Variants in FKTN observed in about 807,000 individuals in gnomAD.
FKTN encodes the protein ribitol-5-phosphate transferase FKTN.
FKTN carries 47 observed loss-of-function variants against 58.6 expected under a neutral mutation model. That is an observed-to-expected ratio of 0.80 (90% CI 0.63 to 1.02). The LOEUF is 1.02. Ranked by LOEUF, FKTN falls within the 50% of genes least tolerant of loss-of-function variation. The pLI is 0.00. For synonymous variants in FKTN, 178 were observed against 191.9 expected, an observed-to-expected ratio of 0.93 and a Z score of 0.60; for missense variants, 516 against 537.3, an observed-to-expected ratio of 0.96 and a Z score of 0.39.
intron 1 of FKTN, among the ~76,000 whole-genome samples, chr9:105,560,865 G>A (rs191845793): frequency 6.6e-6 from 1 of 152,106 alleles, no homozygotes; most frequent in Admixed American, 6.6e-5. Context: ...AAGGTGGATG[G>A]ATCACGAGGT....
At chr9:105,581,345 G>A (rs1032973213) in intron 3 of FKTN, among the ~76,000 whole-genome samples, 10 of 148,100 alleles carry the variant, frequency 6.8e-5, no homozygotes, top group African/African-American at 1.3e-4. Flanking sequence ...ATGGGTTTTC[G>A]GTGTGGATGT....
chr9:105,583,230 A>G (rs2132274278), intron 3 of FKTN, among the ~76,000 whole-genome samples: 1 of 152,352 alleles, frequency 6.6e-6, no homozygotes, highest in Non-Finnish European at 1.5e-5. Flanking sequence ...TATGCGAAGC[A>G]CTTTACCAAC....
chr9:105,617,536 C>G (rs1831038005), intron 8 of FKTN, among the ~76,000 whole-genome samples: 1 of 152,172 alleles, frequency 6.6e-6, no homozygotes, highest in African/African-American at 2.4e-5. Context: ...ATTAAACATT[C>G]TTATCAGCAA....
chr9:105,570,477 A>G (rs1236616313), intron 1 of FKTN, among the ~76,000 whole-genome samples: 1 of 152,196 alleles, frequency 6.6e-6, no homozygotes, highest in Non-Finnish European at 1.5e-5. Context: ...AGAGTCCATC[A>G]TAAACTAGAA....
At chr9:105,626,559 A>G (rs758002078) in intron 10 of FKTN, among the ~76,000 whole-genome samples, 1 of 152,220 alleles carries the variant, frequency 6.6e-6, no homozygotes, top group East Asian at 1.9e-4. Context: ...TTGAGGAGAC[A>G]TAAACATTCA....
At chr9:105,570,508 G>T (rs1840556457) in intron 1 of FKTN, among the ~76,000 whole-genome samples, 1 of 152,094 alleles carries the variant, frequency 6.6e-6, no homozygotes. Context: ...TAATTGATGT[G>T]GGGGTGGTAA....
intron 10 of FKTN, among the ~76,000 whole-genome samples, chr9:105,633,880 T>A (rs1237450112): frequency 2.0e-5 from 3 of 152,190 alleles, no homozygotes; most frequent in Non-Finnish European, 2.9e-5. Context: ...AAATCTGGCT[T>A]TTCCCTGTTC....
chr9:105,633,907 A>G (rs1402922095), intron 10 of FKTN, among the ~76,000 whole-genome samples: 1 of 152,138 alleles, frequency 6.6e-6, no homozygotes, highest in African/African-American at 2.4e-5. Flanking sequence ...TAATCCTCTG[A>G]TATTTTAAAT....
chr9:105,564,244 T>G lies in FKTN; in HGVS notation c.-181+6079T>G, dbSNP rs1312592279. On this transcript the variant is annotated intron_variant, in intron 1 of 10. Transcript: ENST00000357998. ...AAAATTCTAAAAATCAGAGCACCTC[T>G]CCTCCTCCAAAGGAACGCAGCTCCT... 1.3e-5 allele frequency among the ~76,000 whole-genome samples: 2 copies of G among 152,080 alleles called. 1 individual carries two copies. Among genetic ancestry groups the G allele is most frequent in the Admixed American group, 1.3e-4 (2 of 15,258 alleles).
intron 4 of FKTN, among the ~76,000 whole-genome samples, chr9:105,599,717 T>C (rs1827518602): frequency 6.6e-6 from 1 of 152,138 alleles, no homozygotes; most frequent in Admixed American, 6.5e-5. Context: ...TTGGCCAGGC[T>C]GGTCCTGAAC....
chr9:105,604,146 T>G (rs889496099), intron 5 of FKTN, 69 bp from the exon 6 acceptor site: 41 of 1,476,702 alleles, frequency 2.8e-5, no homozygotes, highest in Non-Finnish European at 3.8e-5. Flanking sequence ...GTTTTGCTAC[T>G]AGTATTTGGC....
rs907395244 is a variant in FKTN at position 105,637,802 on chromosome 9, T to G, written c.*2538T>G. On this transcript the variant is annotated 3_prime_UTR_variant, in exon 11 of 11. Coordinates refer to ENST00000357998, the MANE Select transcript of FKTN (RefSeq NM_001079802.2). ...CCAGGACAACCAGGTAGTCACCCAG[T>G]CCTCTCTAAGCAGGGAGCACTTGTC... is the stretch of plus-strand genomic sequence containing the variant. The G allele has an allele frequency of 1.6e-5, 16 of 985,146 alleles. No homozygotes were observed. Among genetic ancestry groups the G allele is most frequent in the Non-Finnish European group, 1.9e-5 (16 of 829,844 alleles). The allele number at this position is 985,146 out of a possible 1,614,324, so 61.0% of individuals were successfully genotyped here. A position where few individuals can be genotyped will look rare whatever the true frequency, so the allele number is the denominator to read the frequency against.
At position 105,615,028 on chromosome 9, in the gene FKTN, C is replaced by T. The variant is rs1215643018; in HGVS notation, c.781-250C>T. On this transcript the variant is annotated intron_variant, in intron 7 of 10. Coordinates refer to ENST00000357998, the MANE Select transcript of FKTN (RefSeq NM_001079802.2). Reference sequence around the variant, plus strand: ...CCTCTCGAGTAGCTGGAACTATAGGCGCGGGCCACCACTCTCAGCTAATTT... The same window carrying T: ...CCTCTCGAGTAGCTGGAACTATAGGTGCGGGCCACCACTCTCAGCTAATTT... Among the ~76,000 whole-genome samples, 2 of 151,672 alleles carry T rather than the reference C, an allele frequency of 1.3e-5. 1 individual carries two copies. The highest frequency in any genetic ancestry group is 2.9e-5 in the Non-Finnish European group (2 of 67,954).
intron 3 of FKTN, among the ~76,000 whole-genome samples, chr9:105,580,496 C>A (rs1472233778): frequency 2.4e-5 from 3 of 124,066 alleles, no homozygotes; most frequent in South Asian, 3.2e-4. Context: ...ATATTGGCCC[C>A]CACTCTCTTC....
chr9:105,603,269 T>G (rs779989990), intron 5 of FKTN, among the ~76,000 whole-genome samples: 1 of 152,244 alleles, frequency 6.6e-6, no homozygotes, highest in Non-Finnish European at 1.5e-5. Flanking sequence ...AGTAGTGTCT[T>G]TCTCTGAATT....
chr9:105,580,945 C>A (rs1481714876), intron 3 of FKTN, among the ~76,000 whole-genome samples: 1 of 115,380 alleles, frequency 8.7e-6, no homozygotes, highest in Non-Finnish European at 1.7e-5. Flanking sequence ...ACCCTTTCTT[C>A]CAGTTGATCG....
At position 105,601,260 on chromosome 9, in the gene FKTN, C is replaced by T. The variant is rs1400272917; in HGVS notation, c.281C>T (p.Ser94Phe). The change falls in exon 5 of 11, where the codon TCT becomes TTT. Residue 94 changes from serine to phenylalanine, a missense_variant. Transcript: ENST00000357998. ...AACTTTGAACAAGTCAAAAATACTT[C>T]TCATGGCTCTACTTCACAATGCAAG... ...NKNFEQVKNT[S>F]HGSTSQCKFF... 3.7e-6 allele frequency: 6 copies of T among 1,612,328 alleles called. No homozygotes were observed. The South Asian group carries it at 6.6e-5, about 18-fold the overall frequency.
At position 105,575,842 on chromosome 9, in the gene FKTN, C is replaced by A. The variant is rs531300646; in HGVS notation, c.105+705C>A. ...TTAATCACTTTGCGCCCCTCCTCAA[C>A]TAGAATGGAGTATACTTCCCTGCCT... On this transcript the variant is annotated intron_variant, in intron 3 of 10. Transcript: ENST00000357998. 1.6e-4 allele frequency among the ~76,000 whole-genome samples: 25 copies of A among 152,308 alleles called. No homozygotes were observed. The South Asian group carries it at 2.1e-3, about 13-fold the overall frequency.
At chr9:105,628,761 A>C (rs574884735) in intron 10 of FKTN, among the ~76,000 whole-genome samples, 1 of 152,354 alleles carries the variant, frequency 6.6e-6, no homozygotes, top group East Asian at 1.9e-4. Context: ...TGATAAATGC[A>C]ATAACATGGA....
Sources: gnomAD v4.1 joint callset for allele counts (sites outside exome capture counted in the v4.1 genomes callset) on GRCh38, gnomAD v4.1.1 for gene constraint, MANE v1.5 for transcripts, NCBI Gene and HGNC (gene_info 2026-07-23, HGNC 2026-07-21) for gene names.